The following RBFOX1 variants were observed in gnomAD, a reference collection of about 807,000 sequenced individuals.
The protein encoded by RBFOX1 is RNA binding protein fox-1 homolog 1.
A neutral mutation model predicts 57.7 loss-of-function variants in RBFOX1; 8 were observed. The observed-to-expected ratio is 0.14, with a 90% CI of 0.08 to 0.25. The LOEUF is 0.25. Among genes scored for constraint, RBFOX1 ranks in the 10% least tolerant of loss-of-function variants. The pLI is 1.00. For missense variants in RBFOX1, 611 were observed against 548.5 expected, an observed-to-expected ratio of 1.11 and a Z score of -1.14; for synonymous variants, 326 against 222.4, an observed-to-expected ratio of 1.47 and a Z score of -4.15.
At chr16:6,053,308 G>C (rs188150647) in intron 1 of RBFOX1, among the ~76,000 whole-genome samples, 1 of 152,188 alleles carries the variant, frequency 6.6e-6, no homozygotes, top group South Asian at 2.1e-4. Flanking sequence ...GAATTGCGCA[G>C]AGAGCTTGAT....
At chr16:5,352,581 C>G (rs1353414944) in intron 1 of RBFOX1, among the ~76,000 whole-genome samples, 1 of 152,096 alleles carries the variant, frequency 6.6e-6, no homozygotes, top group Non-Finnish European at 1.5e-5. Flanking sequence ...TCACGTATGG[C>G]CTAAGATCAA....
At chr16:6,533,844 G>C (rs1227990181) in intron 2 of RBFOX1, among the ~76,000 whole-genome samples, 2 of 152,070 alleles carry the variant, frequency 1.3e-5, no homozygotes, top group Non-Finnish European at 2.9e-5. Context: ...ATAAAACACA[G>C]TACGTACTAA....
chr16:7,601,518 C>A (rs1239260017), intron 9 of RBFOX1, among the ~76,000 whole-genome samples: 1 of 152,104 alleles, frequency 6.6e-6, no homozygotes, highest in Non-Finnish European at 1.5e-5. Context: ...AGGGGCTGAA[C>A]AGGTAAAATC....
chr16:7,709,953 T>G, intron 15 of RBFOX1: 1 of 1,013,960 alleles, frequency 9.9e-7, no homozygotes, highest in Non-Finnish European at 1.2e-6. Flanking sequence ...TGAATCCCCA[T>G]AGGCATTCAT....
At chr16:6,890,436 T>C (rs971319593) in intron 3 of RBFOX1, among the ~76,000 whole-genome samples, 1 of 152,182 alleles carries the variant, frequency 6.6e-6, no homozygotes, top group Non-Finnish European at 1.5e-5. Context: ...GGAGGATCAC[T>C]TAAACCCAGA....
At chr16:5,567,661 C>T (rs1052829486) in intron 2 of RBFOX1, among the ~76,000 whole-genome samples, 3 of 112,334 alleles carry the variant, frequency 2.7e-5, no homozygotes, top group African/African-American at 9.1e-5. Flanking sequence ...AAAAAAAAGC[C>T]TCCTAGATGG....
intron 3 of RBFOX1, among the ~76,000 whole-genome samples, chr16:6,903,294 T>A (rs2153415393): frequency 6.6e-6 from 1 of 152,250 alleles, no homozygotes; most frequent in African/African-American, 2.4e-5. Flanking sequence ...GGCTGACCGT[T>A]CCTAGAGAGG....
chr16:6,578,588 G>GGTGTGTGCGTGTGTGTGTGT (rs1555570842), intron 2 of RBFOX1, among the ~76,000 whole-genome samples: 24 of 11,182 alleles, frequency 2.1e-3, no homozygotes, highest in African/African-American at 4.0e-3. Context: ...TATGGGTATT[G>GGTGTGTGCGTGTGTGTGTGT]GTGTGTGTGC....
At chr16:5,656,791 G>T (rs924063643) in intron 3 of RBFOX1, among the ~76,000 whole-genome samples, 7 of 152,024 alleles carry the variant, frequency 4.6e-5, no homozygotes, top group Admixed American at 3.3e-4. Context: ...TCTTTATCCA[G>T]TCTATCATTG....
chr16:7,673,405 A>T lies in RBFOX1; in HGVS notation c.931-3369A>T, dbSNP rs958331841. On this transcript the variant is annotated intron_variant, in intron 13 of 15. Transcript: ENST00000550418. ...GCCACCATTAATACCCCACAAGCAT[A>T]ATTTTGAAACTGCTTTATTAGCTAG... Among the ~76,000 whole-genome samples the T allele has an allele frequency of 2.0e-5, 3 of 152,150 alleles. No individual in the cohort carries two copies. The East Asian group carries it at 5.8e-4, about 29-fold the overall frequency.
intron 3 of RBFOX1, among the ~76,000 whole-genome samples, chr16:6,915,832 G>A (rs1045163884): frequency 1.3e-5 from 2 of 152,136 alleles, no homozygotes; most frequent in Non-Finnish European, 2.9e-5. Context: ...AATTAGAGGT[G>A]TGAGCCGCTA....
chr16:7,318,855 T>G (rs2096492482), intron 4 of RBFOX1, among the ~76,000 whole-genome samples: 1 of 152,068 alleles, frequency 6.6e-6, no homozygotes, highest in African/African-American at 2.4e-5. Context: ...GAGCGCAACA[T>G]GAAAAAGACT....
At chr16:6,131,884 G>T (rs959317758) in intron 1 of RBFOX1, among the ~76,000 whole-genome samples, 1 of 152,142 alleles carries the variant, frequency 6.6e-6, no homozygotes, top group African/African-American at 2.4e-5. Flanking sequence ...AGAGGTTAAA[G>T]ATAGGATGAA....
chr16:5,396,069 A>G (rs2066544798), intron 1 of RBFOX1, among the ~76,000 whole-genome samples: 1 of 152,190 alleles, frequency 6.6e-6, no homozygotes, highest in Non-Finnish European at 1.5e-5. Flanking sequence ...TGTGACCTGT[A>G]GAAACTGTGA....
At chr16:7,165,413 A>AATAATAATAATG (rs1249375460) in intron 4 of RBFOX1, among the ~76,000 whole-genome samples, 2 of 141,214 alleles carry the variant, frequency 1.4e-5, no homozygotes, top group South Asian at 4.6e-4. Flanking sequence ...TAATAATGAT[A>AATAATAATAATG]ATAATCATTA....
At chr16:7,552,103 C>T (rs2086730967) in intron 5 of RBFOX1, among the ~76,000 whole-genome samples, 1 of 152,194 alleles carries the variant, frequency 6.6e-6, no homozygotes, top group African/African-American at 2.4e-5. Flanking sequence ...ATCTCATTCT[C>T]TCCACCACCC....
chr16:6,878,437 C>G (rs1244023817), intron 3 of RBFOX1, among the ~76,000 whole-genome samples: 2 of 152,146 alleles, frequency 1.3e-5, no homozygotes, highest in East Asian at 1.9e-4. Flanking sequence ...TGCTGAGAGT[C>G]TTTGAGAAGC....
At chr16:5,503,337 C>A (rs746289679) in intron 2 of RBFOX1, among the ~76,000 whole-genome samples, 3 of 152,234 alleles carry the variant, frequency 2.0e-5, no homozygotes, top group Non-Finnish European at 4.4e-5. Context: ...TCTTGAATCT[C>A]CCTCACCCCT....
intron 2 of RBFOX1, among the ~76,000 whole-genome samples, chr16:6,539,825 A>ACACACACACACACACACACACACACC (rs2096787887): frequency 6.6e-6 from 1 of 151,828 alleles, no homozygotes; most frequent in Admixed American, 6.6e-5. Flanking sequence ...ACACACACAC[A>ACACACACACACACACACACACACACC]CACACACACA....
Sources: allele counts gnomAD v4.1 joint callset (sites outside exome capture counted in the v4.1 genomes callset), GRCh38; gene constraint gnomAD v4.1.1; transcripts MANE v1.5; gene names NCBI Gene and HGNC (gene_info 2026-07-23, HGNC 2026-07-21).